ZNF507: variants seen among roughly 807,000 people sequenced by gnomAD.
The protein encoded by ZNF507 is zinc finger protein 507.
Under a neutral mutation model 80.0 loss-of-function variants are expected in ZNF507, and 29 were observed. The ratio of observed to expected loss-of-function variants is 0.36; its 90% CI spans 0.27 to 0.49. The LOEUF is 0.49. Ranked by LOEUF, ZNF507 falls within the 20% of genes least tolerant of loss-of-function variation. The probability of loss-of-function intolerance (pLI) is 0.98; values close to 1 mark genes in which losing one functional copy is unlikely to be tolerated. For missense variants in ZNF507, 1,081 were observed against 1,152.2 expected (o/e 0.94, Z 0.90); for synonymous variants, 462 against 422.5 (o/e 1.09, Z -1.15).
Position 32,386,304 on chromosome 19 carries a change from T to C in ZNF507, c.*3221T>C, listed in dbSNP as rs938051893. The stretch of plus-strand genomic sequence containing the variant: ...TCCATGTTTACATTGCACCTTCCCG[T>C]GCTGTAATTGGCTTGACAAAGACAA... On this transcript the variant is annotated 3_prime_UTR_variant, in exon 7 of 7. Transcript: ENST00000355898. 6 of 152,668 alleles carry C rather than the reference T, an allele frequency of 3.9e-5. No individual in the cohort carries two copies. The highest frequency in any genetic ancestry group is 8.8e-5 in the Non-Finnish European group (6 of 68,034). The allele number at this position is 152,668 out of a possible 1,614,324, so 9.5% of individuals were successfully genotyped here. A position where few individuals can be genotyped will look rare whatever the true frequency, so the allele number is the denominator to read the frequency against.
chr19:32,382,404 A>G (rs1346027260), intron 5 of ZNF507, 63 bp from the exon 6 acceptor site: 4 of 1,580,878 alleles, frequency 2.5e-6, no homozygotes, highest in Non-Finnish European at 3.4e-6. Flanking sequence ...TTACAGAATC[A>G]TGATAATTTT....
At chr19:32,362,662 G>C (rs1453311276) in intron 5 of ZNF507, among the ~76,000 whole-genome samples, 1 of 152,188 alleles carries the variant, frequency 6.6e-6, no homozygotes, top group Non-Finnish European at 1.5e-5. Context: ...GTGTCTCAGG[G>C]ATGTTTTCTT....
At chr19:32,366,016 C>T (rs1056482958) in intron 5 of ZNF507, among the ~76,000 whole-genome samples, 2 of 152,100 alleles carry the variant, frequency 1.3e-5, no homozygotes, top group Non-Finnish European at 2.9e-5. Flanking sequence ...GCCTTTTCTT[C>T]CTTAAGTAGA....
In ZNF507 at chr19:32,382,131, A is replaced by G. The variant is rs186186427; in HGVS notation, c.2361-336A>G. On this transcript the variant is annotated intron_variant, in intron 5 of 6. Coordinates refer to ENST00000355898, the MANE Select transcript of ZNF507 (RefSeq NM_001136156.2). ...ATTAATTGTGTAAGTTTTTCTTTGT[A>G]TGATTAAATAATTTAGAGCAAATAT... The G allele has an allele frequency of 2.1e-4, 39 of 190,080 alleles. No individual in the cohort carries two copies. The East Asian group carries it at 4.5e-3, about 22-fold the overall frequency. 11.8% of individuals were successfully genotyped at this position (190,080 alleles called of 1,614,324 possible).
rs115091627 is a variant in ZNF507 at position 32,383,069 on chromosome 19, C to G, written c.2848C>G (p.Leu950Val). The G allele has an allele frequency of 4.2e-4, 670 of 1,611,646 alleles. 2 individuals are homozygous for G. The African/African-American group carries it at 8.1e-3, about 19-fold the overall frequency. ...CCTGAATAAGGACCACAATACAGCTCTAAACACAAATTAGGTGGAATAATG... is the reference window on the plus strand; with the variant it reads ...CCTGAATAAGGACCACAATACAGCTGTAAACACAAATTAGGTGGAATAATG... ...IILNKDHNTA[L>V]NTN The change falls in exon 7 of 7, where the codon CTA (leucine) becomes GTA (valine). Residue 950 changes from leucine to valine, a missense_variant. By Grantham distance (32) the Leu-to-Val change is conservative (BLOSUM62 1). This residue lies in a region of ZNF507 where 138 missense variants were observed against 158.4 expected (regional missense o/e 0.87). Transcript: ENST00000355898.
At chr19:32,374,663 G>A (rs1055992286) in intron 5 of ZNF507, among the ~76,000 whole-genome samples, 1 of 151,766 alleles carries the variant, frequency 6.6e-6, no homozygotes, top group Admixed American at 6.6e-5. Flanking sequence ...TGTATTTTTG[G>A]TAGAGACAGG....
rs372338254 is a variant in ZNF507 at position 32,382,887 on chromosome 19, C to T, written c.2666C>T (p.Thr889Ile). 3 of 1,613,918 alleles carry T rather than the reference C, an allele frequency of 1.9e-6. No homozygotes were observed. Among genetic ancestry groups the T allele is most frequent in the Admixed American group, 1.7e-5 (1 of 59,978 alleles). ...ENEKLSPTSN[T>I]SYSLEKISSL... ...GAGAAACTGAGCCCTACAAGTAATA[C>T]CTCATATAGTTTAGAAAAAATCTCC... Residue 889 changes from threonine (T) to isoleucine (I), a missense_variant, in exon 7 of 7, where the codon ACC becomes ATC. Coordinates refer to ENST00000355898, the MANE Select transcript of ZNF507 (RefSeq NM_001136156.2).
rs1175633380 is a variant in ZNF507 at position 32,386,408 on chromosome 19, G to T, written c.*3325G>T. 1 of 152,482 alleles carries T rather than the reference G, an allele frequency of 6.6e-6. No homozygotes were observed. Among genetic ancestry groups the T allele is most frequent in the Admixed American group, 6.6e-5 (1 of 15,264 alleles). 9.4% of individuals were successfully genotyped at this position (152,482 alleles called of 1,614,324 possible). A position where few individuals can be genotyped will look rare whatever the true frequency, so the allele number is the denominator to read the frequency against. On this transcript the variant is annotated 3_prime_UTR_variant, in exon 7 of 7. Coordinates refer to ENST00000355898, the MANE Select transcript of ZNF507 (RefSeq NM_001136156.2). ...TAATCTTTTTAAATTGTACAGCAAGGTGCTCTAAGTAATATTCGATAAAAT... is the reference window on the plus strand; with the variant it reads ...TAATCTTTTTAAATTGTACAGCAAGTTGCTCTAAGTAATATTCGATAAAAT...
chr19:32,379,707 G>A (rs1967599242), intron 5 of ZNF507, among the ~76,000 whole-genome samples: 1 of 152,110 alleles, frequency 6.6e-6, no homozygotes, highest in Admixed American at 6.6e-5. Flanking sequence ...AAGCTTAACA[G>A]ATCTGTTTAT....
At chr19:32,370,980 G>A (rs1967462662) in intron 5 of ZNF507, among the ~76,000 whole-genome samples, 1 of 152,190 alleles carries the variant, frequency 6.6e-6, no homozygotes, top group Admixed American at 6.5e-5. Flanking sequence ...TTATTGAAGA[G>A]ACTGTTCTTT....
chr19:32,376,864 C>T (rs1046986950), intron 5 of ZNF507, among the ~76,000 whole-genome samples: 1 of 152,100 alleles, frequency 6.6e-6, no homozygotes, highest in Non-Finnish European at 1.5e-5. Context: ...GGTCACGTGT[C>T]CACTGGACAG....
At chr19:32,364,153 G>C (rs187630339) in intron 5 of ZNF507, among the ~76,000 whole-genome samples, 1 of 152,252 alleles carries the variant, frequency 6.6e-6, no homozygotes, top group African/African-American at 2.4e-5. Context: ...TATCTCAGAA[G>C]CCCTGTTCTT....
intron 5 of ZNF507, among the ~76,000 whole-genome samples, chr19:32,371,569 G>A (rs962472771): frequency 5.9e-5 from 9 of 151,720 alleles, no homozygotes; most frequent in Non-Finnish European, 1.2e-4. Context: ...GAGGCACACA[G>A]GGAGTCTCAA....
chr19:32,353,043 A>G lies in ZNF507; in HGVS notation c.213A>G (p.Pro71=), dbSNP rs771618515. ...GTCTTTTAATTGGGAAGAAACGCCC[A>G]CGTTCAAGTGCTGCAACACACTCTC... ...QKCLLIGKKR[P]RSSAATHSLE... Residue 71 remains proline (P), a synonymous_variant, in exon 3 of 7, where the codon CCA becomes CCG. Coordinates refer to ENST00000355898, the MANE Select transcript of ZNF507 (RefSeq NM_001136156.2). 2.3e-5 allele frequency: 37 copies of G among 1,613,936 alleles called. No individual in the cohort carries two copies. The highest frequency in any genetic ancestry group is 1.7e-4 in the Admixed American group (10 of 59,966).
intron 5 of ZNF507, among the ~76,000 whole-genome samples, chr19:32,361,776 C>T (rs1967330102): frequency 7.0e-6 from 1 of 142,082 alleles, no homozygotes. Context: ...CCCTCCCTCT[C>T]TCCCTCCCTC....
chr19:32,364,548 A>G (rs748240355), intron 5 of ZNF507, among the ~76,000 whole-genome samples: 1 of 152,082 alleles, frequency 6.6e-6, no homozygotes, highest in Non-Finnish European at 1.5e-5. Flanking sequence ...TTGCGTCCTC[A>G]TAGCTTAGCT....
In ZNF507 at chr19:32,383,216, C is replaced by A; in HGVS notation, c.*133C>A. The A allele has an allele frequency of 8.4e-7, 1 of 1,195,802 alleles. No individual in the cohort carries two copies. The highest frequency in any genetic ancestry group is 1.2e-6 in the Non-Finnish European group (1 of 862,624). The allele number at this position is 1,195,802 out of a possible 1,614,324, so 74.1% of individuals were successfully genotyped here. A position where few individuals can be genotyped will look rare whatever the true frequency, so the allele number is the denominator to read the frequency against. On this transcript the variant is annotated 3_prime_UTR_variant, in exon 7 of 7. Coordinates refer to ENST00000355898, the MANE Select transcript of ZNF507 (RefSeq NM_001136156.2). ...ATTTTTGAGGAAATGACAGATGTGA[C>A]TTTGGAACCAAACTTGTAATAAAAG...
chr19:32,375,822 A>G (rs902223389), intron 5 of ZNF507, among the ~76,000 whole-genome samples: 1 of 152,228 alleles, frequency 6.6e-6, no homozygotes, highest in African/African-American at 2.4e-5. Flanking sequence ...CAATGAAAAT[A>G]TGCCTTTTTG....
At chr19:32,358,703 A>G (rs1355156685) in intron 4 of ZNF507, 1 of 152,222 alleles carries the variant, frequency 6.6e-6, no homozygotes, top group Non-Finnish European at 1.5e-5. Context: ...AGTCTAAACA[A>G]AACAAGCAGA....
Sources: allele counts gnomAD v4.1 joint callset (sites outside exome capture counted in the v4.1 genomes callset), GRCh38; gene constraint gnomAD v4.1.1; regional missense constraint gnomAD v4.1.1; transcripts MANE v1.5; gene names NCBI Gene and HGNC (gene_info 2026-07-23, HGNC 2026-07-21).